The following TRAF3IP1 variants were observed in gnomAD, a reference collection of about 807,000 sequenced individuals.
TRAF3IP1 encodes intraflagellar transport 54.
TRAF3IP1 carries 53 observed loss-of-function variants against 89.9 expected under a neutral mutation model. The observed-to-expected ratio is 0.59, with a 90% CI of 0.47 to 0.74. The LOEUF is 0.74. TRAF3IP1 is among the 30% of genes least tolerant of loss of function. The pLI is 0.00. For missense variants in TRAF3IP1, 806 were observed against 866.1 expected (o/e 0.93, Z 0.87); for synonymous variants, 311 against 322.1 (o/e 0.97, Z 0.37).
intron 11 of TRAF3IP1, 113 bp downstream of exon 11, chr2:238,348,961 A>G: frequency 1.1e-6 from 1 of 870,636 alleles, no homozygotes; most frequent in Non-Finnish European, 1.9e-6. Flanking sequence ...ACTTATGAGG[A>G]ATTACTTATA....
At chr2:238,381,284 C>T (rs1045591737) in intron 15 of TRAF3IP1, among the ~76,000 whole-genome samples, 9 of 152,086 alleles carry the variant, frequency 5.9e-5, no homozygotes, top group Non-Finnish European at 1.3e-4. Context: ...GAGGGTTGCA[C>T]CCGCATTCCA....
At chr2:238,321,501 C>T (rs1309032243) in intron 1 of TRAF3IP1, among the ~76,000 whole-genome samples, 2 of 152,224 alleles carry the variant, frequency 1.3e-5, no homozygotes. Flanking sequence ...GCTGCACAGC[C>T]TGCCCTACGT....
intron 5 of TRAF3IP1, among the ~76,000 whole-genome samples, chr2:238,332,507 G>T (rs1474171563): frequency 6.6e-6 from 1 of 152,158 alleles, no homozygotes; most frequent in Non-Finnish European, 1.5e-5. Context: ...GTTTCATTGC[G>T]ATATGTTTCC....
intron 15 of TRAF3IP1, among the ~76,000 whole-genome samples, chr2:238,390,106 G>C (rs1700933053): frequency 6.6e-6 from 1 of 152,214 alleles, no homozygotes; most frequent in Non-Finnish European, 1.5e-5. Flanking sequence ...CGCAGGAAAA[G>C]GGAGGCCAGC....
intron 15 of TRAF3IP1, among the ~76,000 whole-genome samples, chr2:238,396,171 T>A (rs995272444): frequency 6.6e-6 from 1 of 152,044 alleles, no homozygotes; most frequent in Non-Finnish European, 1.5e-5. Context: ...AAATGTGGCA[T>A]ATATACACCA....
chr2:238,341,397 G>A (rs924553036), intron 8 of TRAF3IP1, among the ~76,000 whole-genome samples: 18 of 151,706 alleles, frequency 1.2e-4, no homozygotes, highest in African/African-American at 4.1e-4. Flanking sequence ...TAAATACTTC[G>A]ACATGCAGCT....
chr2:238,333,932 A>C, intron 6 of TRAF3IP1, 28 bp from the exon 7 acceptor site: 1 of 1,562,188 alleles, frequency 6.4e-7, no homozygotes, highest in African/African-American at 1.4e-5. Flanking sequence ...TACATCAATT[A>C]ATTTCTTTTC....
intron 12 of TRAF3IP1, among the ~76,000 whole-genome samples, chr2:238,350,244 T>G (rs1699088627): frequency 6.6e-6 from 1 of 151,954 alleles, no homozygotes. Context: ...AAAGGTGGTG[T>G]CAAGGGGAGT....
chr2:238,357,901 C>A (rs2106333757), intron 15 of TRAF3IP1, among the ~76,000 whole-genome samples: 1 of 152,242 alleles, frequency 6.6e-6, no homozygotes, highest in South Asian at 2.1e-4. Flanking sequence ...ATTGGTAAAT[C>A]TTTGGGCTTC....
intron 15 of TRAF3IP1, among the ~76,000 whole-genome samples, chr2:238,365,792 TTTTG>T (rs1171229572): frequency 6.6e-5 from 10 of 152,276 alleles, no homozygotes; most frequent in Non-Finnish European, 1.5e-4. Context: ...TGGTGGGGTT[TTTTG>T]TTTGTTTCTT....
rs1697470058 is a variant in TRAF3IP1 at position 238,320,594 on chromosome 2, G to GGGACCCGGGCTT, written c.-68_-57dup. On this transcript the variant is annotated 5_prime_UTR_variant, in exon 1 of 17. An upstream open reading frame in the 5' UTR loses its in-frame stop. Transcript: ENST00000373327. ...GCGGCGGCGGGGCCGGCGGCGGCCA[G>GGGACCCGGGCTT]GGACCCGGGCTTAGGCTCGGCCAGG... The GGGACCCGGGCTT allele has an allele frequency of 9.0e-7, 1 of 1,111,962 alleles. No homozygotes were observed. The highest frequency in any genetic ancestry group is 1.1e-6 in the Non-Finnish European group (1 of 908,660). 68.9% of individuals were successfully genotyped at this position (1,111,962 alleles called of 1,614,324 possible).
intron 3 of TRAF3IP1, among the ~76,000 whole-genome samples, chr2:238,327,526 C>T (rs1004502839): frequency 1.3e-5 from 2 of 152,148 alleles, no homozygotes; most frequent in African/African-American, 4.8e-5. Context: ...GGAATTTTTG[C>T]GTTTGATGGG....
intron 15 of TRAF3IP1, among the ~76,000 whole-genome samples, chr2:238,373,575 C>T (rs574290980): frequency 1.3e-5 from 2 of 152,276 alleles, no homozygotes; most frequent in African/African-American, 2.4e-5. Context: ...GTGATGCCTC[C>T]AGCTTTGTTC....
At chr2:238,339,869 G>A (rs192979215) in intron 8 of TRAF3IP1, among the ~76,000 whole-genome samples, 20 of 152,356 alleles carry the variant, frequency 1.3e-4, no homozygotes, top group Non-Finnish European at 2.1e-4. Context: ...CTCCAGACAC[G>A]TAGTGAGGAC....
chr2:238,348,758 G>T lies in TRAF3IP1; in HGVS notation c.1283-6G>T, dbSNP rs1699012684. ...GTGAATTGCTAATTGATTGTCATTTGTTTAGAAGGAGATGCTGGACCTGCT... is the reference window on the plus strand; with the variant it reads ...GTGAATTGCTAATTGATTGTCATTTTTTTAGAAGGAGATGCTGGACCTGCT... On this transcript the variant is annotated splice_polypyrimidine_tract_variant and splice_region_variant and intron_variant, in intron 10 of 16. Transcript: ENST00000373327. 6.2e-7 allele frequency: 1 copy of T among 1,613,568 alleles called. No individual in the cohort carries two copies. Among genetic ancestry groups the T allele is most frequent in the South Asian group, 1.1e-5 (1 of 91,056 alleles).
intron 15 of TRAF3IP1, among the ~76,000 whole-genome samples, chr2:238,365,873 A>G (rs1559380352): frequency 1.3e-5 from 2 of 152,150 alleles, no homozygotes; most frequent in Admixed American, 6.5e-5. Flanking sequence ...AAATCTCTGA[A>G]TGCAGTATCT....
chr2:238,354,973 G>A (rs1264221898), intron 14 of TRAF3IP1, among the ~76,000 whole-genome samples: 1 of 151,652 alleles, frequency 6.6e-6, no homozygotes, highest in Non-Finnish European at 1.5e-5. Context: ...TTTTTGGTAG[G>A]TATGTCTGCC....
At chr2:238,320,909 C>T in intron 1 of TRAF3IP1, 124 bp downstream of exon 1, 1 of 854,590 alleles carries the variant, frequency 1.2e-6, no homozygotes, top group Non-Finnish European at 1.5e-6. Context: ...GGTCGGGGGC[C>T]GGGGCTGGGC....
intron 8 of TRAF3IP1, among the ~76,000 whole-genome samples, chr2:238,340,259 G>C (rs937129960): frequency 5.3e-5 from 8 of 152,188 alleles, no homozygotes; most frequent in Non-Finnish European, 1.0e-4. Context: ...GAGTTTGCTG[G>C]CAGTTGTTAC....
Sources: allele counts gnomAD v4.1 joint callset (sites outside exome capture counted in the v4.1 genomes callset), GRCh38; gene constraint gnomAD v4.1.1; transcripts MANE v1.5; gene names NCBI Gene and HGNC (gene_info 2026-07-23, HGNC 2026-07-21).